The following PLEKHA6 variants were observed in gnomAD, a reference collection of about 807,000 sequenced individuals.
PLEKHA6 encodes pleckstrin homology domain containing A6, also known as pleckstrin homology domain-containing family A member 6.
A neutral mutation model predicts 116.7 loss-of-function variants in PLEKHA6; 60 were observed. The ratio of observed to expected loss-of-function variants is 0.51; its 90% CI spans 0.42 to 0.64. PLEKHA6 has a LOEUF of 0.64. Among genes scored for constraint, PLEKHA6 ranks in the 30% least tolerant of loss-of-function variants. PLEKHA6 has a pLI of 0.00. For synonymous variants in PLEKHA6, 489 were observed against 556.1 expected (o/e 0.88, Z 1.70); for missense variants, 1,338 against 1,422.7 (o/e 0.94, Z 0.96).
At position 204,259,792 on chromosome 1, in the gene PLEKHA6, G is replaced by C; in HGVS notation, c.525-52C>G. On this transcript the variant is annotated intron_variant, in intron 7 of 22. Coordinates refer to ENST00000272203, the MANE Select transcript of PLEKHA6 (RefSeq NM_014935.5). The surrounding 1 kb of genome is among the most constrained non-coding windows in gnomAD (Gnocchi z 4.6). ...CAGTGACTCTAGCCCAGCATGGAGT[G>C]GGGCAGGGGGTGCCAGACTGGGAAG... 1 of 1,533,002 alleles carries C rather than the reference G, an allele frequency of 6.5e-7. No individual in the cohort carries two copies. Among genetic ancestry groups the C allele is most frequent in the Non-Finnish European group, 8.8e-7 (1 of 1,141,206 alleles). The allele number at this position is 1,533,002 out of a possible 1,614,324, so 95.0% of individuals were successfully genotyped here.
At chr1:204,312,120 T>C (rs1671676482) in intron 1 of PLEKHA6, among the ~76,000 whole-genome samples, 2 of 152,216 alleles carry the variant, frequency 1.3e-5, no homozygotes, top group South Asian at 4.1e-4. Flanking sequence ...TTGCCCAGCA[T>C]CACACAACTA....
chr1:204,232,671 G>A (rs1486423554), intron 17 of PLEKHA6, among the ~76,000 whole-genome samples: 1 of 152,212 alleles, frequency 6.6e-6, no homozygotes, highest in East Asian at 1.9e-4. Flanking sequence ...TAGGCTAATA[G>A]AGCTACTTAA....
chr1:204,221,874 G>A lies in PLEKHA6; in HGVS notation c.*914C>T, dbSNP rs1035087291. On this transcript the variant is annotated 3_prime_UTR_variant, in exon 23 of 23. Coordinates refer to ENST00000272203, the MANE Select transcript of PLEKHA6 (RefSeq NM_014935.5). ...GGTCCTCCTAGGGATGAGGTGGGAG[G>A]AGCAGAGGAGACAGTCTGGCACTGC... is the stretch of plus-strand genomic sequence containing the variant. 6.6e-6 allele frequency: 1 copy of A among 152,520 alleles called. No individual in the cohort carries two copies. Among genetic ancestry groups the A allele is most frequent in the Admixed American group, 6.5e-5 (1 of 15,282 alleles). 9.4% of individuals were successfully genotyped at this position (152,520 alleles called of 1,614,324 possible). A position where few individuals can be genotyped will look rare whatever the true frequency, so the allele number is the denominator to read the frequency against.
At chr1:204,252,833 G>T (rs1289331442) in intron 9 of PLEKHA6, among the ~76,000 whole-genome samples, 1 of 152,212 alleles carries the variant, frequency 6.6e-6, no homozygotes, top group African/African-American at 2.4e-5. Context: ...CTTTAGCCCT[G>T]TAATGCAAGG....
intron 1 of PLEKHA6, among the ~76,000 whole-genome samples, chr1:204,298,870 T>C (rs1171724677): frequency 6.6e-6 from 1 of 152,216 alleles, no homozygotes; most frequent in African/African-American, 2.4e-5. Context: ...GCAATTCTAT[T>C]GGTGATGTGC....
intron 1 of PLEKHA6, among the ~76,000 whole-genome samples, chr1:204,318,361 A>C (rs970010610): frequency 6.6e-6 from 1 of 152,246 alleles, no homozygotes; most frequent in Non-Finnish European, 1.5e-5. Flanking sequence ...TGTACAAGTG[A>C]GGAAACTGAA....
At chr1:204,244,099 G>T (rs1663266769) in intron 15 of PLEKHA6, among the ~76,000 whole-genome samples, 1 of 151,972 alleles carries the variant, frequency 6.6e-6, no homozygotes, top group Admixed American at 6.6e-5. Context: ...GGGATTACAG[G>T]CGTGAGCCAC....
intron 1 of PLEKHA6, among the ~76,000 whole-genome samples, chr1:204,320,007 C>T (rs1280993701): frequency 6.6e-6 from 1 of 152,192 alleles, no homozygotes; most frequent in Non-Finnish European, 1.5e-5. Flanking sequence ...CTACTAGAGT[C>T]CATCTGGGAT....
intron 1 of PLEKHA6, chr1:204,309,666 A>G (rs1671586648): frequency 1.2e-6 from 1 of 824,784 alleles, no homozygotes; most frequent in Admixed American, 6.2e-5. Flanking sequence ...AAAATTAAGT[A>G]ATGCATGACC....
rs779857058 is a variant in PLEKHA6 at position 204,257,670 on chromosome 1, C to T, written c.1207G>A (p.Ala403Thr). The T allele has an allele frequency of 1.4e-5, 23 of 1,610,280 alleles. No individual in the cohort carries two copies. In the South Asian group the frequency reaches 2.3e-4, roughly 16 times the overall value. The change falls in exon 9 of 23, where the codon GCC becomes ACC. Residue 403 changes from alanine (A) to threonine (T), a missense_variant. By Grantham distance (58) the Ala-to-Thr change is moderately conservative. Around this residue, in one of 3 missense-constraint regions of PLEKHA6, gnomAD observed 1,136 missense variants for 1,163.6 expected, o/e 0.98. Transcript: ENST00000272203. The surrounding 1 kb of genome is among the most constrained non-coding windows in gnomAD (Gnocchi z 6.5). ...RHAFRNGGGP[A>T]YQLREWKEPA... ...TCCTTCCACTCTCGCAGCTGGTAGGCAGGGCCACCCCCATTGCGGAAGGCA... is the reference window on the plus strand; with the variant it reads ...TCCTTCCACTCTCGCAGCTGGTAGGTAGGGCCACCCCCATTGCGGAAGGCA...
Position 204,359,716 on chromosome 1 carries a change from G to A in PLEKHA6, c.-117C>T, listed in dbSNP as rs902121832. 1.7e-5 allele frequency: 17 copies of A among 976,244 alleles called. No homozygotes were observed. In the African/African-American group the frequency reaches 1.8e-4, roughly 10 times the overall value. 60.5% of individuals were successfully genotyped at this position (976,244 alleles called of 1,614,324 possible). ...CACCGGCTTCTGAGGTGTGATCCCCGCGCTGGAAAGCTCTAACTCTGCGAG... is the reference window on the plus strand; with the variant it reads ...CACCGGCTTCTGAGGTGTGATCCCCACGCTGGAAAGCTCTAACTCTGCGAG... On this transcript the variant is annotated 5_prime_UTR_variant, in exon 1 of 23. Coordinates refer to ENST00000272203, the MANE Select transcript of PLEKHA6 (RefSeq NM_014935.5).
intron 2 of PLEKHA6, chr1:204,369,849 G>A (rs1437199109): frequency 1.3e-5 from 2 of 152,192 alleles, no homozygotes. Context: ...CCATCAACCT[G>A]GTAGAAGAAA....
rs1261316902 is a variant in PLEKHA6 at position 204,238,294 on chromosome 1, C to T, written c.2409+3081G>A. On this transcript the variant is annotated intron_variant, in intron 17 of 22. Transcript: ENST00000272203. The surrounding 1 kb of genome is among the most constrained non-coding windows in gnomAD (Gnocchi z 4.2). ...GAGGTGTCAGTGACAGATCGGGATGCTGTTTGGAGCCTTTGGCAGGCCCCC... is the reference window on the plus strand; with the variant it reads ...GAGGTGTCAGTGACAGATCGGGATGTTGTTTGGAGCCTTTGGCAGGCCCCC... Among the ~76,000 whole-genome samples, 1 of 152,166 alleles carries T rather than the reference C, an allele frequency of 6.6e-6. No individual in the cohort carries two copies. Among genetic ancestry groups the T allele is most frequent in the Non-Finnish European group, 1.5e-5 (1 of 68,022 alleles).
chr1:204,227,434 A>C (rs893474511), intron 21 of PLEKHA6, among the ~76,000 whole-genome samples: 1 of 152,268 alleles, frequency 6.6e-6, no homozygotes, highest in East Asian at 1.9e-4. Flanking sequence ...ATTTTCATCT[A>C]TTCTGGGATG....
rs1668169291 is a variant in PLEKHA6, at chr1:204,277,748, C to T, written c.-94-2939G>A. On this transcript the variant is annotated intron_variant, in intron 1 of 22. Transcript: ENST00000272203. This position sits in a 1 kb window ranked among gnomAD's most constrained non-coding sequence, Gnocchi z 4.1. The stretch of plus-strand genomic sequence containing the variant: ...CCTGCCCAGCCTTCTTCTGTGTGGA[C>T]AGGAGCATAATGAATGAAGGTCCTC... The T allele has an allele frequency of 6.6e-6, 1 of 152,260 alleles. No individual in the cohort carries two copies. Among genetic ancestry groups the T allele is most frequent in the African/African-American group, 2.4e-5 (1 of 41,454 alleles). The allele number at this position is 152,260 out of a possible 1,614,324, so 9.4% of individuals were successfully genotyped here. A position where few individuals can be genotyped will look rare whatever the true frequency, so the allele number is the denominator to read the frequency against.
intron 9 of PLEKHA6, chr1:204,251,631 G>A (rs953434517): frequency 3.8e-5 from 27 of 701,840 alleles, no homozygotes; most frequent in Non-Finnish European, 6.0e-5. Flanking sequence ...AGGAAGGAAC[G>A]GACTATTCAC....
intron 1 of PLEKHA6, among the ~76,000 whole-genome samples, chr1:204,320,872 G>A (rs1373802193): frequency 6.6e-6 from 1 of 152,162 alleles, no homozygotes; most frequent in Non-Finnish European, 1.5e-5. Context: ...ATTCTGCAAA[G>A]CCTGCCTGAT....
chr1:204,295,216 G>A (rs567803501), intron 1 of PLEKHA6, among the ~76,000 whole-genome samples: 37 of 152,322 alleles, frequency 2.4e-4, no homozygotes, highest in Middle Eastern at 3.4e-3. Context: ...TAGGCCAGGC[G>A]CATTGGCTCA....
intron 1 of PLEKHA6, among the ~76,000 whole-genome samples, chr1:204,316,515 C>T (rs1158121296): frequency 6.6e-6 from 1 of 152,222 alleles, no homozygotes; most frequent in Admixed American, 6.5e-5. Context: ...GTTCACTCAG[C>T]ACCACCCAGA....
Sources: allele counts gnomAD v4.1 joint callset (sites outside exome capture counted in the v4.1 genomes callset), GRCh38; gene constraint gnomAD v4.1.1; regional missense constraint gnomAD v4.1.1; non-coding constraint Gnocchi (gnomAD v3.1); transcripts MANE v1.5; gene names NCBI Gene and HGNC (gene_info 2026-07-23, HGNC 2026-07-21).